RSPO2: variants seen among roughly 807,000 people sequenced by gnomAD.
RSPO2 encodes the protein R-spondin 2.
In RSPO2, 14 loss-of-function variants were observed where a neutral mutation model predicts 30.9. The observed-to-expected ratio is 0.45, with a 90% CI of 0.30 to 0.71. RSPO2 has a LOEUF of 0.71. RSPO2 is among the 30% of genes least tolerant of loss of function. The pLI is 0.08. For synonymous variants in RSPO2, 107 were observed against 96.4 expected, an observed-to-expected ratio of 1.11 and a Z score of -0.64; for missense variants, 264 against 301.9, an observed-to-expected ratio of 0.87 and a Z score of 0.93.
intron 5 of RSPO2, among the ~76,000 whole-genome samples, chr8:107,915,968 G>A (rs1297913247): frequency 1.3e-5 from 2 of 152,012 alleles, no homozygotes; most frequent in African/African-American, 4.8e-5. Context: ...ATGCTTTCCT[G>A]GCCCTGTTCT....
intron 3 of RSPO2, chr8:107,984,007 A>G (rs1443025778): frequency 1.5e-5 from 10 of 689,412 alleles, no homozygotes; most frequent in Non-Finnish European, 1.3e-5. Flanking sequence ...AGAGGAAATA[A>G]TACAGTAATC....
At chr8:107,951,043 G>GTTTT (rs767290459) in intron 5 of RSPO2, among the ~76,000 whole-genome samples, 35 of 85,862 alleles carry the variant, frequency 4.1e-4, no homozygotes, top group African/African-American at 7.3e-4. Flanking sequence ...GGGAGAATAA[G>GTTTT]TTTTTTTTTG....
intron 5 of RSPO2, among the ~76,000 whole-genome samples, chr8:107,932,576 A>G (rs568885808): frequency 1.2e-4 from 19 of 152,334 alleles, no homozygotes; most frequent in African/African-American, 4.3e-4. Flanking sequence ...CAGGTAAATA[A>G]GATCCTCTTG....
At chr8:107,928,825 T>A (rs1287617736) in intron 5 of RSPO2, among the ~76,000 whole-genome samples, 1 of 152,188 alleles carries the variant, frequency 6.6e-6, no homozygotes. Flanking sequence ...GGAAATTAAG[T>A]AAAAGTTTAG....
intron 2 of RSPO2, among the ~76,000 whole-genome samples, chr8:108,058,312 A>T (rs1351642280): frequency 6.6e-6 from 1 of 152,206 alleles, no homozygotes; most frequent in Non-Finnish European, 1.5e-5. Flanking sequence ...GACCTCTTCA[A>T]GGAGAACTAC....
At chr8:108,070,778 C>T (rs569281700) in intron 2 of RSPO2, among the ~76,000 whole-genome samples, 6 of 152,152 alleles carry the variant, frequency 3.9e-5, no homozygotes, top group East Asian at 3.9e-4. Context: ...AACACTCTCA[C>T]GAGATGCTCT....
At chr8:108,077,745 G>C (rs931344669) in intron 2 of RSPO2, among the ~76,000 whole-genome samples, 2 of 152,122 alleles carry the variant, frequency 1.3e-5, no homozygotes, top group Admixed American at 6.5e-5. Context: ...ATGAACATAT[G>C]AAAATGTATA....
chr8:107,976,540 G>A (rs1030297099), intron 3 of RSPO2, among the ~76,000 whole-genome samples: 1 of 152,170 alleles, frequency 6.6e-6, no homozygotes, highest in Non-Finnish European at 1.5e-5. Context: ...AGGCTGGTCT[G>A]GAATGTCAAA....
chr8:108,025,622 C>G (rs933297370), intron 2 of RSPO2, among the ~76,000 whole-genome samples: 1 of 152,088 alleles, frequency 6.6e-6, no homozygotes, highest in Non-Finnish European at 1.5e-5. Flanking sequence ...ACCTCCTAGG[C>G]TCTAGCAATC....
intron 2 of RSPO2, among the ~76,000 whole-genome samples, chr8:107,994,550 A>G (rs1312912361): frequency 1.3e-5 from 2 of 152,078 alleles, no homozygotes; most frequent in African/African-American, 4.8e-5. Flanking sequence ...AAGACACAAA[A>G]TACTCTTTCC....
At chr8:107,995,715 A>G (rs1188386149) in intron 2 of RSPO2, among the ~76,000 whole-genome samples, 1 of 152,070 alleles carries the variant, frequency 6.6e-6, no homozygotes, top group Admixed American at 6.6e-5. Context: ...TTCTATGATA[A>G]TATCTTCTCC....
chr8:108,019,879 G>A (rs1283356712), intron 2 of RSPO2, among the ~76,000 whole-genome samples: 1 of 152,104 alleles, frequency 6.6e-6, no homozygotes, highest in Non-Finnish European at 1.5e-5. Context: ...GCAGTAGTAA[G>A]ACTAACAGGT....
chr8:107,911,653 C>T (rs1258115758), intron 5 of RSPO2, among the ~76,000 whole-genome samples: 5 of 152,150 alleles, frequency 3.3e-5, no homozygotes, highest in Non-Finnish European at 7.4e-5. Flanking sequence ...TATTTCTAAT[C>T]CTTACAGCAA....
chr8:107,925,864 T>C (rs1410872757), intron 5 of RSPO2, among the ~76,000 whole-genome samples: 7 of 152,218 alleles, frequency 4.6e-5, no homozygotes, highest in Admixed American at 1.3e-4. Context: ...ACAATAAACA[T>C]ATGTGTGCAT....
intron 2 of RSPO2, among the ~76,000 whole-genome samples, chr8:108,014,596 A>G (rs1475900673): frequency 6.6e-6 from 1 of 152,194 alleles, no homozygotes; most frequent in African/African-American, 2.4e-5. Flanking sequence ...ACACAGGAAC[A>G]GAAAACTAAA....
Position 107,900,885 on chromosome 8 carries a change from GTC to G in RSPO2, c.*188_*189del. On this transcript the variant is annotated 3_prime_UTR_variant, in exon 6 of 6. Coordinates refer to ENST00000276659, the MANE Select transcript of RSPO2 (RefSeq NM_178565.5). ...CTGTGCACTTACTCCTGCCTTCACA[GTC>G]TCCAGATTCAAATCAAAGCATAAAT... is the stretch of plus-strand genomic sequence containing the variant. 1.8e-6 allele frequency: 1 copy of G among 564,660 alleles called. No individual in the cohort carries two copies. The highest frequency in any genetic ancestry group is 1.9e-5 in the African/African-American group (1 of 52,814). 35.0% of individuals were successfully genotyped at this position (564,660 alleles called of 1,614,324 possible).
chr8:107,904,540 T>C (rs1185216867), intron 5 of RSPO2, among the ~76,000 whole-genome samples: 1 of 152,010 alleles, frequency 6.6e-6, no homozygotes, highest in Non-Finnish European at 1.5e-5. Context: ...GGCAGATCTT[T>C]TCAGCACTGT....
In RSPO2 at chr8:107,989,228, A is replaced by T. The variant is rs1366699334; in HGVS notation, c.111T>A (p.Asn37Lys). The change falls in exon 3 of 6, where the codon AAT becomes AAA. Residue 37 changes from asparagine to lysine, a missense_variant. Coordinates refer to ENST00000276659, the MANE Select transcript of RSPO2 (RefSeq NM_178565.5). ...RRSKRASYVSNPICKGCLSCS... is the reference protein window; with the variant it reads ...RRSKRASYVSKPICKGCLSCS... ...AAGACAAACAACCCTTGCAAATGGGATTTGATACATAACTAGCTGTAAAAG... is the reference window on the plus strand; with the variant it reads ...AAGACAAACAACCCTTGCAAATGGGTTTTGATACATAACTAGCTGTAAAAG... 1 of 1,570,810 alleles carries T rather than the reference A, an allele frequency of 6.4e-7. No individual in the cohort carries two copies. Among genetic ancestry groups the T allele is most frequent in the Non-Finnish European group, 8.6e-7 (1 of 1,165,180 alleles).
At chr8:107,902,124 T>G (rs888790088) in intron 5 of RSPO2, among the ~76,000 whole-genome samples, 1 of 152,096 alleles carries the variant, frequency 6.6e-6, no homozygotes, top group African/African-American at 2.4e-5. Context: ...CCTCTTTGAG[T>G]TCTAAACACA....
Sources: gnomAD v4.1 joint callset for allele counts (sites outside exome capture counted in the v4.1 genomes callset) on GRCh38, gnomAD v4.1.1 for gene constraint, MANE v1.5 for transcripts, NCBI Gene and HGNC (gene_info 2026-07-23, HGNC 2026-07-21) for gene names.